Variants in TMEM132C observed in about 807,000 individuals in gnomAD.
TMEM132C encodes transmembrane protein 132C.
Under a neutral mutation model 61.4 loss-of-function variants are expected in TMEM132C, and 29 were observed. The ratio of observed to expected loss-of-function variants is 0.47; its 90% CI spans 0.35 to 0.64. TMEM132C has a LOEUF of 0.64. TMEM132C is among the 30% of genes least tolerant of loss of function. TMEM132C has a pLI of 0.00. For missense variants in TMEM132C, 1,408 were observed against 1,476.9 expected, an observed-to-expected ratio of 0.95 and a Z score of 0.76; for synonymous variants, 656 against 633.1, an observed-to-expected ratio of 1.04 and a Z score of -0.54.
chr12:128,619,829 A>C (rs1352794210), intron 4 of TMEM132C, among the ~76,000 whole-genome samples: 1 of 152,224 alleles, frequency 6.6e-6, no homozygotes. Flanking sequence ...AATGTAAGAA[A>C]AAAGGGTTCA....
At chr12:128,490,947 G>T (rs963346008) in intron 2 of TMEM132C, among the ~76,000 whole-genome samples, 1 of 152,110 alleles carries the variant, frequency 6.6e-6, no homozygotes, top group Non-Finnish European at 1.5e-5. Context: ...ATTCATGGCC[G>T]CAGGAGCACT....
intron 1 of TMEM132C, among the ~76,000 whole-genome samples, chr12:128,274,987 G>T (rs1870636487): frequency 6.6e-6 from 1 of 152,180 alleles, no homozygotes; most frequent in African/African-American, 2.4e-5. Context: ...TATCCAAGGG[G>T]AAAGGATTTT....
At chr12:128,362,565 C>T (rs981122289) in intron 1 of TMEM132C, among the ~76,000 whole-genome samples, 11 of 151,922 alleles carry the variant, frequency 7.2e-5, no homozygotes, top group Admixed American at 4.6e-4. Context: ...TGGCACCAGA[C>T]GTGTTTCAGA....
At chr12:128,509,724 CAGA>C (rs2136117030) in intron 2 of TMEM132C, among the ~76,000 whole-genome samples, 1 of 152,066 alleles carries the variant, frequency 6.6e-6, no homozygotes, top group South Asian at 2.1e-4. Context: ...GGGAAAATTC[CAGA>C]AGGTCTGAGA....
chr12:128,499,842 A>G (rs1191547191), intron 2 of TMEM132C, among the ~76,000 whole-genome samples: 4 of 152,210 alleles, frequency 2.6e-5, no homozygotes, highest in Admixed American at 6.5e-5. Flanking sequence ...TACTGCTGCA[A>G]TAAACATGGG....
chr12:128,599,194 G>C (rs374879071), intron 3 of TMEM132C, among the ~76,000 whole-genome samples: 18 of 152,272 alleles, frequency 1.2e-4, no homozygotes, highest in African/African-American at 4.1e-4. Flanking sequence ...CACCCCCAGC[G>C]TTTGTCCCTT....
intron 1 of TMEM132C, among the ~76,000 whole-genome samples, chr12:128,406,325 G>A (rs1382408552): frequency 2.6e-5 from 4 of 152,190 alleles, no homozygotes; most frequent in Non-Finnish European, 5.9e-5. Context: ...AGTGTTGAAT[G>A]AGTCGTCACT....
chr12:128,511,107 A>C (rs1872550661), intron 2 of TMEM132C, among the ~76,000 whole-genome samples: 1 of 152,196 alleles, frequency 6.6e-6, no homozygotes, highest in African/African-American at 2.4e-5. Flanking sequence ...GGGTGGGCCC[A>C]GGGATTTCTG....
At chr12:128,614,559 T>A (rs186241880) in intron 3 of TMEM132C, among the ~76,000 whole-genome samples, 100 of 152,342 alleles carry the variant, frequency 6.6e-4, no homozygotes, top group Non-Finnish European at 1.0e-4. Context: ...AAACAGGAGA[T>A]GCTACATTTT....
chr12:128,387,161 AGAAAC>A (rs1363938519), intron 1 of TMEM132C, among the ~76,000 whole-genome samples: 1 of 150,418 alleles, frequency 6.6e-6, no homozygotes, highest in African/African-American at 2.5e-5. Context: ...AAAAAAAAAA[AGAAAC>A]TAAAAACTGG....
intron 2 of TMEM132C, among the ~76,000 whole-genome samples, chr12:128,457,315 A>G (rs185379881): frequency 6.6e-6 from 1 of 151,730 alleles, no homozygotes; most frequent in East Asian, 1.9e-4. Context: ...TAAAAAAAAA[A>G]AAAAAAACAG....
intron 2 of TMEM132C, among the ~76,000 whole-genome samples, chr12:128,470,360 T>C (rs180778698): frequency 6.6e-6 from 1 of 152,292 alleles, no homozygotes; most frequent in Admixed American, 6.5e-5. Flanking sequence ...CAGTTTTCAG[T>C]GTGGCTGAGT....
rs150569502 is a variant in TMEM132C, at chr12:128,415,885, G to A, written c.974+265G>A. Among the ~76,000 whole-genome samples the A allele has an allele frequency of 1.3e-3, 195 of 152,196 alleles. No homozygotes were observed. Among genetic ancestry groups the A allele is most frequent in the South Asian group, 2.7e-3 (13 of 4,812 alleles). On this transcript the variant is annotated intron_variant, in intron 2 of 8. Coordinates refer to ENST00000435159, the MANE Select transcript of TMEM132C (RefSeq NM_001136103.3). This position sits in a 1 kb window ranked among gnomAD's most constrained non-coding sequence, Gnocchi z 5.8. Reference sequence around the variant, plus strand: ...AAGATGAGAGTAATCCGCCTCTCTAGACCTTCAGTTATCCTCACACTTGGA... The same window carrying A: ...AAGATGAGAGTAATCCGCCTCTCTAAACCTTCAGTTATCCTCACACTTGGA...
chr12:128,340,102 T>C (rs1872908736), intron 1 of TMEM132C, among the ~76,000 whole-genome samples: 1 of 152,242 alleles, frequency 6.6e-6, no homozygotes, highest in African/African-American at 2.4e-5. Context: ...GACTTTTAGC[T>C]GTTGTTTCTT....
intron 3 of TMEM132C, among the ~76,000 whole-genome samples, chr12:128,546,681 A>G (rs1360476593): frequency 6.6e-6 from 1 of 152,126 alleles, no homozygotes; most frequent in Non-Finnish European, 1.5e-5. Flanking sequence ...AGACCCCAGA[A>G]ATGTGTTCAA....
At chr12:128,334,263 C>T (rs1281575948) in intron 1 of TMEM132C, among the ~76,000 whole-genome samples, 1 of 152,120 alleles carries the variant, frequency 6.6e-6, no homozygotes, top group Non-Finnish European at 1.5e-5. Context: ...CCAGGCTGCA[C>T]CTCAGTGTCA....
At chr12:128,461,011 G>A (rs1451763654) in intron 2 of TMEM132C, among the ~76,000 whole-genome samples, 1 of 152,120 alleles carries the variant, frequency 6.6e-6, no homozygotes, top group Non-Finnish European at 1.5e-5. Flanking sequence ...ACTTCTTTGT[G>A]TTGTTTTTTA....
intron 2 of TMEM132C, among the ~76,000 whole-genome samples, chr12:128,523,780 G>T (rs1011714008): frequency 2.0e-4 from 29 of 144,580 alleles, no homozygotes; most frequent in Non-Finnish European, 3.9e-4. Context: ...GAGGAGGATT[G>T]CTTGAGCCCA....
At chr12:128,697,587 C>G (rs1295108111) in intron 8 of TMEM132C, among the ~76,000 whole-genome samples, 172 bp downstream of exon 8, 1 of 152,188 alleles carries the variant, frequency 6.6e-6, no homozygotes, top group African/African-American at 2.4e-5. Context: ...AGCTTTTGAG[C>G]AACACAGACC....
Sources: allele counts gnomAD v4.1 joint callset (sites outside exome capture counted in the v4.1 genomes callset), GRCh38; gene constraint gnomAD v4.1.1; non-coding constraint Gnocchi (gnomAD v3.1); transcripts MANE v1.5; gene names NCBI Gene and HGNC (gene_info 2026-07-23, HGNC 2026-07-21).